The following DIAPH2 variants were observed in gnomAD, a reference collection of about 807,000 sequenced individuals.
The protein encoded by DIAPH2 is protein diaphanous homolog 2.
Under a neutral mutation model 92.7 loss-of-function variants are expected in DIAPH2, and 35 were observed. The observed-to-expected ratio is 0.38, with a 90% CI of 0.29 to 0.50. The LOEUF (loss-of-function observed/expected upper bound fraction) is 0.50. Among genes scored for constraint, DIAPH2 ranks in the 20% least tolerant of loss-of-function variants. The pLI is 0.94. For synonymous variants in DIAPH2, 301 were observed against 280.4 expected, an observed-to-expected ratio of 1.07 and a Z score of -0.73; for missense variants, 701 against 819.5, an observed-to-expected ratio of 0.86 and a Z score of 1.77.
At chrX:97,261,349 T>C (rs1289029361) in intron 23 of DIAPH2, among the ~76,000 whole-genome samples, 1 of 111,911 alleles carries the variant, frequency 8.9e-6, no homozygotes, top group Non-Finnish European at 1.9e-5. Context: ...TCTGCACATA[T>C]TTTATATGTC....
intron 5 of DIAPH2, among the ~76,000 whole-genome samples, chrX:96,909,915 C>A (rs776242896): frequency 4.5e-5 from 5 of 110,522 alleles, no homozygotes; most frequent in African/African-American, 6.6e-5. Context: ...AAAGAAATAA[C>A]CCTAATAATT....
chrX:96,964,522 C>T lies in DIAPH2; in HGVS notation c.1936-571C>T, dbSNP rs183506775. ...GAGCACTTATCTAGGTTTAAAATCC[C>T]AGCTCTGCCATTTACTAATTTGGGC... is the stretch of plus-strand genomic sequence containing the variant. On this transcript the variant is annotated intron_variant, in intron 16 of 26. Coordinates refer to ENST00000324765, the MANE Select transcript of DIAPH2 (RefSeq NM_006729.5). 5.4e-5 allele frequency among the ~76,000 whole-genome samples: 6 copies of T among 111,652 alleles called. No homozygotes were observed. The Admixed American group carries it at 5.7e-4, about 11-fold the overall frequency.
At chrX:97,355,074 C>T (rs1374436532) in intron 24 of DIAPH2, among the ~76,000 whole-genome samples, 4 of 111,853 alleles carry the variant, frequency 3.6e-5, no homozygotes, top group African/African-American at 9.7e-5. Context: ...AAAACCTAAA[C>T]TTGTCTGAGA....
In DIAPH2 at chrX:97,600,360, A is replaced by T. The variant is rs2147891244; in HGVS notation, c.*1043A>T. 8.9e-6 allele frequency: 1 copy of T among 112,057 alleles called. No individual in the cohort carries two copies. The highest frequency in any genetic ancestry group is 9.5e-5 in the Admixed American group (1 of 10,567). The allele number at this position is 112,057 out of a possible 1,213,427, so 9.2% of individuals were successfully genotyped here. The stretch of plus-strand genomic sequence containing the variant: ...GGTCAATTGTTTTATCTCCCTTTCC[A>T]CTCTCTTTCCAATTTCACTTTGGTG... On this transcript the variant is annotated 3_prime_UTR_variant, in exon 27 of 27. Transcript: ENST00000324765.
intron 17 of DIAPH2, among the ~76,000 whole-genome samples, chrX:96,972,211 A>G (rs1390078372): frequency 9.0e-6 from 1 of 111,709 alleles, no homozygotes; most frequent in African/African-American, 3.3e-5. Flanking sequence ...CACTACTGCA[A>G]GAACATAGGA....
chrX:97,384,647 G>A (rs1028355401), intron 25 of DIAPH2, among the ~76,000 whole-genome samples: 9 of 110,576 alleles, frequency 8.1e-5, no homozygotes, highest in Admixed American at 4.9e-4. Context: ...CGGGAGGGTC[G>A]CTTGAGGTGA....
intron 26 of DIAPH2, among the ~76,000 whole-genome samples, chrX:97,465,451 C>T (rs2070503386): frequency 8.9e-6 from 1 of 111,801 alleles, no homozygotes; most frequent in Admixed American, 9.5e-5. Context: ...CTAAACAATA[C>T]AGTATAACAA....
At chrX:97,517,111 T>G (rs778122906) in intron 26 of DIAPH2, among the ~76,000 whole-genome samples, 1 of 111,874 alleles carries the variant, frequency 8.9e-6, no homozygotes, top group Non-Finnish European at 1.9e-5. Flanking sequence ...TCACAGGTTT[T>G]TTTCGAGTTA....
chrX:96,905,566 T>C (rs1353046740), intron 5 of DIAPH2, among the ~76,000 whole-genome samples: 2 of 111,772 alleles, frequency 1.8e-5, no homozygotes, highest in African/African-American at 6.5e-5. Context: ...GATACCTTCA[T>C]TAAATGTAAG....
intron 4 of DIAPH2, among the ~76,000 whole-genome samples, chrX:96,880,488 T>G (rs2065206128): frequency 8.9e-6 from 1 of 111,870 alleles, no homozygotes; most frequent in Non-Finnish European, 1.9e-5. Flanking sequence ...GGAACTCATT[T>G]CTCATTATTA....
At position 96,877,499 on chromosome X, in the gene DIAPH2, G is replaced by A. The variant is rs188707019; in HGVS notation, c.448-4080G>A. Among the ~76,000 whole-genome samples, 468 of 111,744 alleles carry A rather than the reference G, an allele frequency of 4.2e-3. 1 individual carries two copies. Among genetic ancestry groups the A allele is most frequent in the Non-Finnish European group, 6.7e-3 (354 of 53,113 alleles). ...ACTAATTGCTATCTATGTGCATGCT[G>A]TATAGCTGAAAAGACCTGTGTACAA... On this transcript the variant is annotated intron_variant, in intron 4 of 26. Transcript: ENST00000324765.
intron 18 of DIAPH2, among the ~76,000 whole-genome samples, chrX:97,074,337 C>T (rs1470000497): frequency 9.1e-6 from 1 of 110,276 alleles, no homozygotes; most frequent in Non-Finnish European, 1.9e-5. Context: ...ACCCGGGAGG[C>T]AAAGTTTGCA....
chrX:96,715,006 G>T lies in DIAPH2; in HGVS notation c.133-20752G>T, dbSNP rs187607569. 2.6e-3 allele frequency among the ~76,000 whole-genome samples: 290 copies of T among 111,841 alleles called. 2 individuals are homozygous for T. The highest frequency in any genetic ancestry group is 8.9e-3 in the African/African-American group (273 of 30,838). ...TTTTCAAGTGAATTAATTTGTGATA[G>T]CTATTGACCTGGCAAGGAAAACATT... is the stretch of plus-strand genomic sequence containing the variant. On this transcript the variant is annotated intron_variant, in intron 1 of 26. Transcript: ENST00000324765.
At chrX:97,241,782 T>C (rs1461062353) in intron 22 of DIAPH2, among the ~76,000 whole-genome samples, 1 of 97,757 alleles carries the variant, frequency 1.0e-5, no homozygotes, top group Admixed American at 1.1e-4. Context: ...TTTTTTTTTT[T>C]TTTTTTTTTT....
At chrX:96,789,886 T>C (rs2064486694) in intron 4 of DIAPH2, among the ~76,000 whole-genome samples, 2 of 110,600 alleles carry the variant, frequency 1.8e-5, no homozygotes, top group South Asian at 7.7e-4. Context: ...CCATATAATA[T>C]TATGTTGGCT....
chrX:97,293,075 G>A (rs968894290), intron 23 of DIAPH2, among the ~76,000 whole-genome samples: 9 of 110,137 alleles, frequency 8.2e-5, no homozygotes, highest in African/African-American at 3.0e-4. Context: ...GAAAAAGGAT[G>A]TGTGAGCCTA....
chrX:96,757,563 A>G (rs1046701641), intron 3 of DIAPH2, among the ~76,000 whole-genome samples: 1 of 112,607 alleles, frequency 8.9e-6, no homozygotes, highest in African/African-American at 3.2e-5. Context: ...ACTGAATTAA[A>G]GTTTATTGAA....
chrX:96,865,989 A>G (rs2065102397), intron 4 of DIAPH2, among the ~76,000 whole-genome samples: 1 of 112,349 alleles, frequency 8.9e-6, no homozygotes, highest in Admixed American at 9.4e-5. Flanking sequence ...GTACAGTTAA[A>G]CAGTGGTCTT....
At chrX:97,505,479 C>G (rs1248741136) in intron 26 of DIAPH2, among the ~76,000 whole-genome samples, 1 of 112,041 alleles carries the variant, frequency 8.9e-6, no homozygotes, top group Non-Finnish European at 1.9e-5. Context: ...TGAACAACCT[C>G]TTTTGCACAA....
Sources: gnomAD v4.1 joint callset for allele counts (sites outside exome capture counted in the v4.1 genomes callset) on GRCh38, gnomAD v4.1.1 for gene constraint, MANE v1.5 for transcripts, NCBI Gene and HGNC (gene_info 2026-07-23, HGNC 2026-07-21) for gene names.